RND2: variants seen among roughly 807,000 people sequenced by gnomAD.
RND2 encodes the protein rho-related GTP-binding protein RhoN.
In RND2, 16 loss-of-function variants were observed where a neutral mutation model predicts 25.9. That is an observed-to-expected ratio of 0.62 (90% confidence interval 0.42 to 0.94). The LOEUF is 0.94. RND2 is among the 40% of genes least tolerant of loss of function. RND2 has a pLI of 0.00. For missense variants in RND2, 276 were observed against 305.5 expected (o/e 0.90, Z 0.72); for synonymous variants, 97 against 118.1 (o/e 0.82, Z 1.16).
chr17:43,027,550 C>T (rs534659918), intron 3 of RND2, among the ~76,000 whole-genome samples: 1 of 152,286 alleles, frequency 6.6e-6, no homozygotes, highest in African/African-American at 2.4e-5. Flanking sequence ...AGGATTCCTT[C>T]TCTGCTCTTC....
intron 2 of RND2, 190 bp downstream of exon 2, chr17:43,026,237 C>T: frequency 1.8e-6 from 1 of 544,956 alleles, no homozygotes; most frequent in Non-Finnish European, 3.3e-6. Context: ...AAACCATGTC[C>T]TGAAGGAGAA....
At chr17:43,025,474 G>A in intron 1 of RND2, 25 bp downstream of exon 1, 2 of 1,543,550 alleles carry the variant, frequency 1.3e-6, no homozygotes, top group South Asian at 1.2e-5. Context: ...TCTTGGGAGG[G>A]GGACGCTAAG....
chr17:43,028,761 T>G lies in RND2; in HGVS notation c.*81T>G. ...CTGCCTGCGCCCAGGCTTCCTGACCTCCTGATCCTGGCTGGGAAGTTAGGG... is the reference window on the plus strand; with the variant it reads ...CTGCCTGCGCCCAGGCTTCCTGACCGCCTGATCCTGGCTGGGAAGTTAGGG... On this transcript the variant is annotated 3_prime_UTR_variant, in exon 5 of 5. Transcript: ENST00000587250. 1 of 1,479,104 alleles carries G rather than the reference T, an allele frequency of 6.8e-7. No individual in the cohort carries two copies. Among genetic ancestry groups the G allele is most frequent in the Non-Finnish European group, 9.0e-7 (1 of 1,111,714 alleles). 91.6% of individuals were successfully genotyped at this position (1,479,104 alleles called of 1,614,324 possible).
chr17:43,025,987 T>C lies in RND2; in HGVS notation c.130T>C (p.Tyr44His). The change falls in exon 2 of 5, where the codon TAC becomes CAC. Residue 44 changes from tyrosine (Y) to histidine (H), a missense_variant. Coordinates refer to ENST00000587250, the MANE Select transcript of RND2 (RefSeq NM_005440.5). Reference sequence around the variant, plus strand: ...TTATGTCCCCACCGTGTTTGAGAACTACACTGCGAGCTTTGAGATCGACAA... The same window carrying C: ...TTATGTCCCCACCGTGTTTGAGAACCACACTGCGAGCTTTGAGATCGACAA... ...GSYVPTVFEN[Y>H]TASFEIDKRR... The C allele has an allele frequency of 6.2e-6, 10 of 1,612,952 alleles. No homozygotes were observed. Among genetic ancestry groups the C allele is most frequent in the Non-Finnish European group, 8.5e-6 (10 of 1,179,116 alleles).
Position 43,031,175 on chromosome 17 carries a change from A to T in RND2, c.*2495A>T, listed in dbSNP as rs1000135325. On this transcript the variant is annotated 3_prime_UTR_variant, in exon 5 of 5. Coordinates refer to ENST00000587250, the MANE Select transcript of RND2 (RefSeq NM_005440.5). ...AATAGCTTCTCCTTTCCCTTATGCC[A>T]GGTTCCAGTCTTGAGAGGAAAGGAA... is the stretch of plus-strand genomic sequence containing the variant. 1 of 152,208 alleles carries T rather than the reference A, an allele frequency of 6.6e-6. No homozygotes were observed. The highest frequency in any genetic ancestry group is 2.4e-5 in the African/African-American group (1 of 41,442). The allele number at this position is 152,208 out of a possible 1,614,324, so 9.4% of individuals were successfully genotyped here.
chr17:43,029,841 T>G lies in RND2; in HGVS notation c.*1161T>G, dbSNP rs1020107820. The stretch of plus-strand genomic sequence containing the variant: ...CCCGGGTGAACCTGGGAGGCGGAGC[T>G]TGCAGTGAGCCGAGATTGCGCCACT... On this transcript the variant is annotated 3_prime_UTR_variant, in exon 5 of 5. Transcript: ENST00000587250. 2 of 147,806 alleles carry G rather than the reference T, an allele frequency of 1.4e-5. No homozygotes were observed. Among genetic ancestry groups the G allele is most frequent in the Admixed American group, 1.4e-4 (2 of 14,512 alleles). The allele number at this position is 147,806 out of a possible 1,614,324, so 9.2% of individuals were successfully genotyped here.
Position 43,026,061 on chromosome 17 carries a change from T to G in RND2, c.190+14T>G. On this transcript the variant is annotated intron_variant, in intron 2 of 4. Transcript: ENST00000587250. ...GGGACACTTCAGGTAGCCAAGTCCC[T>G]GGGGGTCACCCTGACTTCCAAGGCG... 1 of 1,594,626 alleles carries G rather than the reference T, an allele frequency of 6.3e-7. No homozygotes were observed. The highest frequency in any genetic ancestry group is 8.6e-7 in the Non-Finnish European group (1 of 1,163,904).
chr17:43,026,363 TTA>T (rs1312059350), intron 2 of RND2: 5 of 302,216 alleles, frequency 1.7e-5, no homozygotes, highest in Non-Finnish European at 3.2e-5. Context: ...GAAAAGACAT[TTA>T]GAGGCCAGGC....
chr17:43,028,603 C>G lies in RND2; in HGVS notation c.607C>G (p.Gln203Glu). The G allele has an allele frequency of 6.2e-7, 1 of 1,613,880 alleles. No individual in the cohort carries two copies. The highest frequency in any genetic ancestry group is 8.5e-7 in the Non-Finnish European group (1 of 1,179,936). ...ACGCCGGGGAATGCAGCGATCCGCT[C>G]AGCTGTCAGGACGGCCAGACCGGGG... is the stretch of plus-strand genomic sequence containing the variant. ...DSRRGMQRSA[Q>E]LSGRPDRGNE... Residue 203 changes from glutamine (Q) to glutamate (E), a missense_variant, in exon 5 of 5, where the codon CAG (glutamine) becomes GAG (glutamate). Transcript: ENST00000587250.
At position 43,031,084 on chromosome 17, in the gene RND2, G is replaced by T. The variant is rs1363132577; in HGVS notation, c.*2404G>T. On this transcript the variant is annotated 3_prime_UTR_variant, in exon 5 of 5. Transcript: ENST00000587250. ...TGCAGTGAGCTATGATCATGCCATT[G>T]TCTTCCAGCCTGAGTGTCAGAGTGA... 1.3e-5 allele frequency: 2 copies of T among 152,054 alleles called. No homozygotes were observed. The highest frequency in any genetic ancestry group is 2.4e-5 in the African/African-American group (1 of 41,366). The allele number at this position is 152,054 out of a possible 1,614,324, so 9.4% of individuals were successfully genotyped here.
In RND2 at chr17:43,029,160, A is replaced by T. The variant is rs188727026; in HGVS notation, c.*480A>T. ...AAGCAAGGAGAAGCCCTTGCCCCCC[A>T]TCAGTCCACCAGCCCTAGAACCTCC... is the stretch of plus-strand genomic sequence containing the variant. On this transcript the variant is annotated 3_prime_UTR_variant, in exon 5 of 5. Coordinates refer to ENST00000587250, the MANE Select transcript of RND2 (RefSeq NM_005440.5). The T allele has an allele frequency of 6.2e-6, 1 of 160,396 alleles. No homozygotes were observed. The highest frequency in any genetic ancestry group is 5.9e-5 in the Admixed American group (1 of 17,052). 9.9% of individuals were successfully genotyped at this position (160,396 alleles called of 1,614,324 possible).
Position 43,030,837 on chromosome 17 carries a change from G to C in RND2, c.*2157G>C, listed in dbSNP as rs981775601. 1.3e-5 allele frequency: 2 copies of C among 152,202 alleles called. No homozygotes were observed. Among genetic ancestry groups the C allele is most frequent in the African/African-American group, 4.8e-5 (2 of 41,424 alleles). 9.4% of individuals were successfully genotyped at this position (152,202 alleles called of 1,614,324 possible). ...GAGGATGAATGAAATCATCCTCAGA[G>C]GATGAAGCCACCAGGAATTTCAGGC... On this transcript the variant is annotated 3_prime_UTR_variant, in exon 5 of 5. Coordinates refer to ENST00000587250, the MANE Select transcript of RND2 (RefSeq NM_005440.5).
At position 43,026,024 on chromosome 17, in the gene RND2, A is replaced by G; in HGVS notation, c.167A>G (p.Glu56Gly). 1 of 1,612,558 alleles carries G rather than the reference A, an allele frequency of 6.2e-7. No individual in the cohort carries two copies. The highest frequency in any genetic ancestry group is 8.5e-7 in the Non-Finnish European group (1 of 1,178,824). The change falls in exon 2 of 5, where the codon GAG (glutamate) becomes GGG (glycine). Residue 56 changes from glutamate to glycine, a missense_variant. Transcript: ENST00000587250. ...TTTGAGATCGACAAGCGCCGCATTG[A>G]GCTCAACATGTGGGACACTTCAGGT... ...ASFEIDKRRI[E>G]LNMWDTSGSS... is the part of the protein sequence containing the mutation.
chr17:43,027,390 T>C, intron 3 of RND2, 98 bp downstream of exon 3: 1 of 775,910 alleles, frequency 1.3e-6, no homozygotes, highest in Non-Finnish European at 2.1e-6. Flanking sequence ...ATGGCTGGGG[T>C]ATGGCCATCA....
In RND2 at chr17:43,025,243, G is replaced by A; in HGVS notation, c.-105G>A. ...GCGGGGGCTCGGCGCGGGCCCGCGA[G>A]ATGCCGGTGTTGGCGGCCCGAGCGG... is the stretch of plus-strand genomic sequence containing the variant. On this transcript the variant is annotated 5_prime_UTR_variant, in exon 1 of 5. Coordinates refer to ENST00000587250, the MANE Select transcript of RND2 (RefSeq NM_005440.5). 1.0e-6 allele frequency: 1 copy of A among 965,884 alleles called. No homozygotes were observed. Among genetic ancestry groups the A allele is most frequent in the African/African-American group, 1.7e-5 (1 of 57,398 alleles). 59.8% of individuals were successfully genotyped at this position (965,884 alleles called of 1,614,324 possible).
rs753953595 is a variant in RND2 at position 43,028,423 on chromosome 17, C to T, written c.436-9C>T. ...ATAACTTTCTCCCATGCACTCCTTCCTTTTCCAGGGCACTGTGCTGGCCAA... is the reference window on the plus strand; with the variant it reads ...ATAACTTTCTCCCATGCACTCCTTCTTTTTCCAGGGCACTGTGCTGGCCAA... On this transcript the variant is annotated splice_polypyrimidine_tract_variant and intron_variant, in intron 4 of 4. Coordinates refer to ENST00000587250, the MANE Select transcript of RND2 (RefSeq NM_005440.5). 2.5e-6 allele frequency: 4 copies of T among 1,611,592 alleles called. No homozygotes were observed. Among genetic ancestry groups the T allele is most frequent in the Middle Eastern group, 1.7e-4 (1 of 6,058 alleles).
At chr17:43,027,032 C>G in intron 2 of RND2, 151 bp from the exon 3 acceptor site, 2 of 474,446 alleles carry the variant, frequency 4.2e-6, no homozygotes, top group Non-Finnish European at 7.5e-6. Context: ...TTGGGAAACC[C>G]AGACTCCATG....
intron 3 of RND2, among the ~76,000 whole-genome samples, 166 bp downstream of exon 3, chr17:43,027,458 C>G (rs1312261051): frequency 2.0e-5 from 3 of 152,178 alleles, no homozygotes; most frequent in Non-Finnish European, 4.4e-5. Flanking sequence ...CCCCATCCCT[C>G]CCAGCCACCC....
At position 43,025,962 on chromosome 17, in the gene RND2, T is replaced by G; in HGVS notation, c.105T>G (p.Ser35Arg). The change falls in exon 2 of 5, where the codon AGT becomes AGG. Residue 35 changes from serine (S) to arginine (R), a missense_variant and splice_region_variant. Coordinates refer to ENST00000587250, the MANE Select transcript of RND2 (RefSeq NM_005440.5). ...TCTGGATCCATCCGTGTCTGCAGAG[T>G]TATGTCCCCACCGTGTTTGAGAACT... ...QVFAKDAYPG[S>R]YVPTVFENYT... is the part of the protein sequence containing the mutation. 2.5e-6 allele frequency: 4 copies of G among 1,611,780 alleles called. No homozygotes were observed. Among genetic ancestry groups the G allele is most frequent in the Non-Finnish European group, 2.5e-6 (3 of 1,178,252 alleles).
Sources: allele counts gnomAD v4.1 joint callset (sites outside exome capture counted in the v4.1 genomes callset), GRCh38; gene constraint gnomAD v4.1.1; transcripts MANE v1.5; gene names NCBI Gene and HGNC (gene_info 2026-07-23, HGNC 2026-07-21).